TRAPPC9: variants seen among roughly 807,000 people sequenced by gnomAD.
TRAPPC9 encodes the protein trafficking protein particle complex subunit 9.
A neutral mutation model predicts 124.0 loss-of-function variants in TRAPPC9; 83 were observed. The observed-to-expected ratio is 0.67, with a 90% CI of 0.56 to 0.80. The LOEUF is 0.80. Ranked by LOEUF, TRAPPC9 falls within the 30% of genes least tolerant of loss-of-function variation. The probability of loss-of-function intolerance (pLI) is 0.00; values close to 1 mark genes in which losing one functional copy is unlikely to be tolerated. For missense variants in TRAPPC9, 1,302 were observed against 1,508.3 expected, an observed-to-expected ratio of 0.86 and a Z score of 2.27; for synonymous variants, 638 against 617.5, an observed-to-expected ratio of 1.03 and a Z score of -0.49.
chr8:140,016,804 T>C (rs1373358040), intron 18 of TRAPPC9, among the ~76,000 whole-genome samples: 1 of 152,196 alleles, frequency 6.6e-6, no homozygotes, highest in Admixed American at 6.5e-5. Flanking sequence ...TGAGAAAATA[T>C]CTAGGAATGA....
chr8:140,154,188 G>A (rs541244380), intron 17 of TRAPPC9, among the ~76,000 whole-genome samples: 61 of 152,176 alleles, frequency 4.0e-4, no homozygotes, highest in African/African-American at 1.3e-3. Context: ...GCTCAAGCAC[G>A]ATTCCACTCC....
At chr8:139,739,368 T>C (rs1818409539) in intron 21 of TRAPPC9, among the ~76,000 whole-genome samples, 2 of 152,258 alleles carry the variant, frequency 1.3e-5, no homozygotes, top group Non-Finnish European at 2.9e-5. Context: ...TGGTAGGTAG[T>C]GTCACTTCCA....
chr8:140,436,860 T>C (rs2070832211), intron 3 of TRAPPC9, among the ~76,000 whole-genome samples: 1 of 152,274 alleles, frequency 6.6e-6, no homozygotes, highest in Admixed American at 6.5e-5. Context: ...TAATCCTTTA[T>C]CTGATTCTCT....
chr8:140,172,385 G>C (rs6990679), intron 17 of TRAPPC9, among the ~76,000 whole-genome samples: 28 of 119,062 alleles, frequency 2.4e-4, no homozygotes, highest in Admixed American at 5.1e-4. Flanking sequence ...TAAACTACCT[G>C]TGGGCAATGG....
chr8:139,779,733 T>A (rs1343894340), intron 21 of TRAPPC9, among the ~76,000 whole-genome samples: 12 of 152,126 alleles, frequency 7.9e-5, no homozygotes, highest in Non-Finnish European at 1.8e-4. Flanking sequence ...AGATCAACTA[T>A]CTTTGTTCAT....
At chr8:139,859,010 T>C (rs111474780) in intron 21 of TRAPPC9, among the ~76,000 whole-genome samples, 13 of 151,094 alleles carry the variant, frequency 8.6e-5, no homozygotes, top group Non-Finnish European at 1.8e-4. Context: ...CACGTCTTCA[T>C]GGGTTCTCCC....
In TRAPPC9 at chr8:139,935,675, T is replaced by C. The variant is rs565072481; in HGVS notation, c.2811-25375A>G. Among the ~76,000 whole-genome samples the C allele has an allele frequency of 4.0e-5, 6 of 151,028 alleles. No individual in the cohort carries two copies. The South Asian group carries it at 1.0e-3, about 26-fold the overall frequency. ...TATGCTTCTTCAGTCTTTGCTTTTT[T>C]TTTTTTTTTTTTTTTACATTTGTTC... On this transcript the variant is annotated intron_variant, in intron 19 of 22. Transcript: ENST00000438773.
At chr8:139,978,114 G>A (rs973722380) in intron 19 of TRAPPC9, among the ~76,000 whole-genome samples, 1 of 152,200 alleles carries the variant, frequency 6.6e-6, no homozygotes, top group African/African-American at 2.4e-5. Flanking sequence ...CTGGCTTCAA[G>A]GGATCCTCCC....
At chr8:140,054,614 T>C (rs1435016458) in intron 17 of TRAPPC9, among the ~76,000 whole-genome samples, 3 of 152,068 alleles carry the variant, frequency 2.0e-5, no homozygotes, top group Non-Finnish European at 2.9e-5. Flanking sequence ...AACAACTAAA[T>C]TTTTAGAAAA....
chr8:139,803,898 T>C (rs1055630624), intron 21 of TRAPPC9, among the ~76,000 whole-genome samples: 1 of 152,104 alleles, frequency 6.6e-6, no homozygotes, highest in African/African-American at 2.4e-5. Flanking sequence ...GACGTCTAAA[T>C]GTGTCATTTG....
At chr8:140,327,988 C>T (rs11776277) in intron 9 of TRAPPC9, among the ~76,000 whole-genome samples, 35,913 of 152,118 alleles carry the variant, frequency 0.24, 4,998 homozygotes, top group East Asian at 0.64. Flanking sequence ...GGCGCGGTGG[C>T]TCACGCCTGT....
intron 21 of TRAPPC9, among the ~76,000 whole-genome samples, chr8:139,786,706 T>C (rs369720038): frequency 1.3e-5 from 2 of 152,162 alleles, no homozygotes; most frequent in South Asian, 2.1e-4. Context: ...GGTATATGCA[T>C]ACAGTGGAAT....
chr8:139,891,475 C>T (rs918832261), intron 20 of TRAPPC9, among the ~76,000 whole-genome samples: 2 of 152,218 alleles, frequency 1.3e-5, no homozygotes, highest in Non-Finnish European at 2.9e-5. Context: ...CTATGTGGTT[C>T]CCACGCCTAT....
At chr8:139,980,537 G>A (rs1194407678) in intron 19 of TRAPPC9, among the ~76,000 whole-genome samples, 1 of 152,204 alleles carries the variant, frequency 6.6e-6, no homozygotes, top group Non-Finnish European at 1.5e-5. Context: ...TAACAAAGGG[G>A]CACCAGGAGG....
intron 21 of TRAPPC9, among the ~76,000 whole-genome samples, chr8:139,740,046 G>A (rs1300308535): frequency 2.0e-5 from 3 of 152,156 alleles, no homozygotes; most frequent in Non-Finnish European, 4.4e-5. Context: ...CCAGGGCCAT[G>A]TCCCAGAAGT....
At chr8:139,925,599 C>T (rs1258693246) in intron 19 of TRAPPC9, among the ~76,000 whole-genome samples, 1 of 151,888 alleles carries the variant, frequency 6.6e-6, no homozygotes, top group Non-Finnish European at 1.5e-5. Context: ...AATACAAAAA[C>T]TAGCTGGGTG....
intron 17 of TRAPPC9, among the ~76,000 whole-genome samples, chr8:140,053,654 G>C (rs1049377807): frequency 6.6e-6 from 1 of 152,024 alleles, no homozygotes; most frequent in Non-Finnish European, 1.5e-5. Flanking sequence ...TTGAAAGTGG[G>C]GTATTGAAGT....
At chr8:140,377,625 A>G (rs73356448) in intron 7 of TRAPPC9, among the ~76,000 whole-genome samples, 9,951 of 152,214 alleles carry the variant, frequency 0.065, 829 homozygotes, top group African/African-American at 0.19. Context: ...TCTGTTCTCC[A>G]TAAAATCTAG....
intron 17 of TRAPPC9, among the ~76,000 whole-genome samples, chr8:140,152,080 G>A (rs766599857): frequency 6.6e-6 from 1 of 151,788 alleles, no homozygotes; most frequent in East Asian, 1.9e-4. Flanking sequence ...CCATTTCCTC[G>A]CCTAGTTATG....
Sources: allele counts gnomAD v4.1 joint callset (sites outside exome capture counted in the v4.1 genomes callset), GRCh38; gene constraint gnomAD v4.1.1; transcripts MANE v1.5; gene names NCBI Gene and HGNC (gene_info 2026-07-23, HGNC 2026-07-21).